The following ADCY9 variants were observed in gnomAD, a reference collection of about 807,000 sequenced individuals.
ADCY9 encodes the protein adenylate cyclase type 9.
In ADCY9, 50 loss-of-function variants were observed where a neutral mutation model predicts 101.5. The ratio of observed to expected loss-of-function variants is 0.49; its 90% CI spans 0.39 to 0.62. ADCY9 has a LOEUF of 0.62. ADCY9 is among the 20% of genes least tolerant of loss of function. The pLI, the probability that ADCY9 is intolerant of heterozygous loss-of-function variation, is 0.00. For missense variants in ADCY9, 1,662 were observed against 1,800.4 expected, an observed-to-expected ratio of 0.92 and a Z score of 1.39; for synonymous variants, 905 against 769.3, an observed-to-expected ratio of 1.18 and a Z score of -2.92.
Position 3,992,100 on chromosome 16 carries a change from C to T in ADCY9, c.2207+46G>A. On this transcript the variant is annotated intron_variant, in intron 5 of 10. Transcript: ENST00000294016. The surrounding 1 kb of genome is among the most constrained non-coding windows in gnomAD (Gnocchi z 4.2). ...AAAAGAAAAGAAAAAGGCAGAGAGG[C>T]TTCTGCCTGCAACCTTTGCTTTTTC... The T allele has an allele frequency of 6.4e-7, 1 of 1,570,826 alleles. No homozygotes were observed. The highest frequency in any genetic ancestry group is 1.7e-5 in the Admixed American group (1 of 58,936).
Position 3,977,480 on chromosome 16 carries a change from A to G in ADCY9, c.2828+2T>C. 6.4e-7 allele frequency: 1 copy of G among 1,559,626 alleles called. No individual in the cohort carries two copies. Among genetic ancestry groups the G allele is most frequent in the Non-Finnish European group, 8.7e-7 (1 of 1,152,016 alleles). ...TGCCCGCAAGCAGTGCTGGCCGCGT[A>G]CCTGTCTGGGCACAGGGAGACGTAG... On this transcript the variant is annotated splice_donor_variant, in intron 9 of 10. Coordinates refer to ENST00000294016, the MANE Select transcript of ADCY9 (RefSeq NM_001116.4). LOFTEE classifies it high-confidence loss of function.
intron 2 of ADCY9, among the ~76,000 whole-genome samples, chr16:4,063,144 A>G (rs1289858885): frequency 6.6e-6 from 1 of 152,220 alleles, no homozygotes; most frequent in Non-Finnish European, 1.5e-5. Flanking sequence ...AATCATATAA[A>G]GCATGTTCTC....
rs1249837667 is a variant in ADCY9 at position 3,989,371 on chromosome 16, G to GT, written c.2208-276dup. Among the ~76,000 whole-genome samples the GT allele has an allele frequency of 3.1e-4, 47 of 150,202 alleles. No individual in the cohort carries two copies. In the South Asian group the frequency reaches 6.1e-3, roughly 20 times the overall value. On this transcript the variant is annotated intron_variant, in intron 5 of 10. Coordinates refer to ENST00000294016, the MANE Select transcript of ADCY9 (RefSeq NM_001116.4). The stretch of plus-strand genomic sequence containing the variant: ...TATAGCACACATCATCAGAACCTTG[G>GT]TTTTTTGGGGTTTTTTTTTTTTGAG...
intron 2 of ADCY9, among the ~76,000 whole-genome samples, chr16:4,101,828 G>C (rs897813832): frequency 4.6e-5 from 7 of 152,212 alleles, no homozygotes; most frequent in African/African-American, 1.4e-4. Context: ...CTCAACCATC[G>C]AGGGGCCCAT....
intron 2 of ADCY9, among the ~76,000 whole-genome samples, chr16:4,092,479 CTAGT>C (rs1272219587): frequency 4.6e-5 from 7 of 152,166 alleles, no homozygotes; most frequent in African/African-American, 1.7e-4. Flanking sequence ...TACAGTATAA[CTAGT>C]TATAGAATTG....
chr16:3,981,409 G>A (rs999622654), intron 7 of ADCY9, among the ~76,000 whole-genome samples: 13 of 152,212 alleles, frequency 8.5e-5, no homozygotes, highest in African/African-American at 3.1e-4. Flanking sequence ...CCTGGGGGTG[G>A]ACCAGGGAAG....
At chr16:4,060,482 A>T (rs1003087459) in intron 2 of ADCY9, among the ~76,000 whole-genome samples, 1 of 152,128 alleles carries the variant, frequency 6.6e-6, no homozygotes, top group Non-Finnish European at 1.5e-5. Flanking sequence ...CATGTCCCTA[A>T]ACGTACACAC....
At chr16:4,097,481 T>TACAC (rs1221883313) in intron 2 of ADCY9, among the ~76,000 whole-genome samples, 26 of 56,198 alleles carry the variant, frequency 4.6e-4, no homozygotes, top group South Asian at 4.3e-3. Context: ...TATATATATA[T>TACAC]ATATATACAC....
At chr16:4,044,585 C>G (rs558438706) in intron 2 of ADCY9, among the ~76,000 whole-genome samples, 1 of 152,114 alleles carries the variant, frequency 6.6e-6, no homozygotes. Flanking sequence ...AGAGAAACCT[C>G]GGTTTAATAT....
chr16:4,018,638 C>T (rs1338983946), intron 2 of ADCY9, among the ~76,000 whole-genome samples: 1 of 152,182 alleles, frequency 6.6e-6, no homozygotes, highest in Non-Finnish European at 1.5e-5. Context: ...GCAGCACAGG[C>T]ACATGCTTGC....
At chr16:4,007,753 G>A (rs550262321) in intron 2 of ADCY9, among the ~76,000 whole-genome samples, 195 bp from the exon 3 acceptor site, 1 of 152,106 alleles carries the variant, frequency 6.6e-6, no homozygotes, top group African/African-American at 2.4e-5. Context: ...GTGGGCCCCC[G>A]AGACACACCA....
In ADCY9 at chr16:3,993,415, G is replaced by A; in HGVS notation, c.1980C>T (p.Asn660=). The A allele has an allele frequency of 6.2e-7, 1 of 1,614,112 alleles. No homozygotes were observed. The highest frequency in any genetic ancestry group is 8.5e-7 in the Non-Finnish European group (1 of 1,179,914). Residue 660 remains asparagine, a synonymous_variant, in exon 4 of 11, where the codon AAC becomes AAT. Coordinates refer to ENST00000294016, the MANE Select transcript of ADCY9 (RefSeq NM_001116.4). The stretch of plus-strand genomic sequence containing the variant: ...GCCATGAGCTTGTTACCTTGGTGCT[G>A]TTTTTATGCTCGTCTTGGCAGCCGT... ...PQNGCQDEHK[N]STKASGGPNP...
intron 2 of ADCY9, among the ~76,000 whole-genome samples, chr16:4,105,975 C>A (rs1036833050): frequency 3.3e-5 from 5 of 152,182 alleles, no homozygotes; most frequent in Non-Finnish European, 5.9e-5. Flanking sequence ...CTTCTGCCCT[C>A]TAGGTCACAC....
chr16:4,059,147 AG>A (rs1304127630), intron 2 of ADCY9, among the ~76,000 whole-genome samples: 1 of 152,118 alleles, frequency 6.6e-6, no homozygotes, highest in Non-Finnish European at 1.5e-5. Context: ...GCACTCTGGG[AG>A]GCCGAGGTGG....
chr16:4,081,949 G>T (rs1376370076), intron 2 of ADCY9, among the ~76,000 whole-genome samples: 1 of 152,044 alleles, frequency 6.6e-6, no homozygotes, highest in Non-Finnish European at 1.5e-5. Flanking sequence ...GGTGATGTGG[G>T]TTCCAAGCAG....
At chr16:4,026,590 C>G (rs1025962238) in intron 2 of ADCY9, among the ~76,000 whole-genome samples, 1 of 152,126 alleles carries the variant, frequency 6.6e-6, no homozygotes, top group Non-Finnish European at 1.5e-5. Context: ...GGAAACCAAC[C>G]TAATGTCCTT....
chr16:3,979,195 C>T lies in ADCY9; in HGVS notation c.2600G>A (p.Cys867Tyr). The stretch of plus-strand genomic sequence containing the variant: ...AAGCGACACCAGGATGGCCCCGATG[C>T]AGTGACGTGGTAGCCAGCCGGCGAT... Reference protein sequence around the residue: ...EWIAGWLPRHCIGAILVSLPA... With the variant: ...EWIAGWLPRHYIGAILVSLPA... The change falls in exon 8 of 11, where the codon TGC (cysteine) becomes TAC (tyrosine). Residue 867 changes from cysteine to tyrosine, a missense_variant. Physicochemically the swap from Cys to Tyr is radical, Grantham distance 194. Around this residue, in one of 5 missense-constraint regions of ADCY9, gnomAD observed 624 missense variants for 639.1 expected, o/e 0.98. Coordinates refer to ENST00000294016, the MANE Select transcript of ADCY9 (RefSeq NM_001116.4). 6.2e-7 allele frequency: 1 copy of T among 1,614,076 alleles called. No individual in the cohort carries two copies. Among genetic ancestry groups the T allele is most frequent in the South Asian group, 1.1e-5 (1 of 91,082 alleles).
At chr16:3,999,645 C>T (rs955769342) in intron 3 of ADCY9, among the ~76,000 whole-genome samples, 10 of 152,186 alleles carry the variant, frequency 6.6e-5, no homozygotes, top group Admixed American at 3.3e-4. Flanking sequence ...GCACGCCTGG[C>T]GGGCCAGGGA....
chr16:4,058,926 C>A (rs538627322), intron 2 of ADCY9, among the ~76,000 whole-genome samples: 42 of 152,144 alleles, frequency 2.8e-4, no homozygotes, highest in African/African-American at 5.3e-4. Flanking sequence ...AGGATATAAT[C>A]AAAAATATGA....
Sources: gnomAD v4.1 joint callset for allele counts (sites outside exome capture counted in the v4.1 genomes callset) on GRCh38, gnomAD v4.1.1 for gene constraint, gnomAD v4.1.1 regional missense constraint, Gnocchi (gnomAD v3.1) non-coding constraint, MANE v1.5 for transcripts, NCBI Gene and HGNC (gene_info 2026-07-23, HGNC 2026-07-21) for gene names.